RAB10: variants seen among roughly 807,000 people sequenced by gnomAD.
RAB10 encodes ras-related protein Rab-10.
Under a neutral mutation model 25.7 loss-of-function variants are expected in RAB10, and 5 were observed. That is an observed-to-expected ratio of 0.19 (90% confidence interval 0.10 to 0.41). The LOEUF is 0.41. Ranked by LOEUF, RAB10 falls within the 10% of genes least tolerant of loss-of-function variation. The pLI is 1.00. For synonymous variants in RAB10, 89 were observed against 86.4 expected (o/e 1.03, Z -0.16); for missense variants, 103 against 245.8 (o/e 0.42, Z 3.89).
intron 1 of RAB10, among the ~76,000 whole-genome samples, chr2:26,039,575 C>G (rs536623750): frequency 6.6e-6 from 1 of 152,164 alleles, no homozygotes; most frequent in East Asian, 1.9e-4. Context: ...TCAAGAACTC[C>G]TGACCTCAGG....
chr2:26,103,402 T>C (rs574372340), intron 2 of RAB10, among the ~76,000 whole-genome samples: 3 of 152,300 alleles, frequency 2.0e-5, no homozygotes, highest in African/African-American at 7.2e-5. Context: ...TTTCTAGTGA[T>C]TGGGGAAAAG....
intron 1 of RAB10, among the ~76,000 whole-genome samples, chr2:26,074,751 C>T (rs1003765404): frequency 2.0e-5 from 3 of 152,160 alleles, no homozygotes; most frequent in Non-Finnish European, 4.4e-5. Flanking sequence ...AAGGAGCATT[C>T]ATAGTTAAGA....
intron 5 of RAB10, among the ~76,000 whole-genome samples, chr2:26,132,771 C>CCCT (rs397711678): frequency 2.9e-5 from 4 of 138,416 alleles, no homozygotes; most frequent in African/African-American, 1.1e-4. Flanking sequence ...ACCCCCCCCC[C>CCCT]TTTTTTTTAA....
intron 3 of RAB10, 115 bp downstream of exon 3, chr2:26,110,021 A>G (rs1288987964): frequency 7.0e-6 from 8 of 1,150,052 alleles, no homozygotes; most frequent in Non-Finnish European, 9.3e-6. Flanking sequence ...AGTCATTATT[A>G]TTGAAGTATT....
In RAB10 at chr2:26,099,532, GTTTTTTTTTTTT is replaced by G. The variant is rs70950167; in HGVS notation, c.188+825_188+836del. On this transcript the variant is annotated intron_variant, in intron 2 of 5. Transcript: ENST00000264710. ...GTATTTCTGTTTTTTGTTTTTTTGG[GTTTTTTTTTTTT>G]TTTTTTTTTTTTTTGAGGTGGAGTC... 1.5e-3 allele frequency among the ~76,000 whole-genome samples: 108 copies of G among 73,342 alleles called. 1 individual carries two copies. The highest frequency in any genetic ancestry group is 6.1e-3 in the African/African-American group (100 of 16,458). The allele number at this position is 73,342 out of a possible 152,430, so 48.1% of individuals were successfully genotyped here.
At chr2:26,056,319 T>C (rs142545048) in intron 1 of RAB10, among the ~76,000 whole-genome samples, 1 of 152,206 alleles carries the variant, frequency 6.6e-6, no homozygotes, top group African/African-American at 2.4e-5. Context: ...CTGCCTCAGC[T>C]TCCTCAGTAG....
chr2:26,072,646 A>G (rs1237892335), intron 1 of RAB10, among the ~76,000 whole-genome samples: 2 of 152,174 alleles, frequency 1.3e-5, no homozygotes, highest in Admixed American at 6.5e-5. Flanking sequence ...CTTTTCTAGC[A>G]ACATATCTGT....
chr2:26,109,135 C>A (rs1228243446), intron 2 of RAB10, among the ~76,000 whole-genome samples: 1 of 151,310 alleles, frequency 6.6e-6, no homozygotes, highest in South Asian at 2.1e-4. Context: ...GTCTTGAACT[C>A]CTGACCTTAA....
chr2:26,054,731 C>A (rs1666215457), intron 1 of RAB10, among the ~76,000 whole-genome samples: 1 of 152,152 alleles, frequency 6.6e-6, no homozygotes, highest in Non-Finnish European at 1.5e-5. Flanking sequence ...CTTAGATCTT[C>A]CAGATTCACC....
rs571714300 is a variant in RAB10 at position 26,134,896 on chromosome 2, A to G, written c.520-42A>G. 1.4e-5 allele frequency: 20 copies of G among 1,459,880 alleles called. No homozygotes were observed. The African/African-American group carries it at 2.8e-4, about 20-fold the overall frequency. The allele number at this position is 1,459,880 out of a possible 1,614,324, so 90.4% of individuals were successfully genotyped here. A position where few individuals can be genotyped will look rare whatever the true frequency, so the allele number is the denominator to read the frequency against. On this transcript the variant is annotated intron_variant, in intron 5 of 5. Transcript: ENST00000264710. The stretch of plus-strand genomic sequence containing the variant: ...GTTGAATCGTGATTTTATCCATGGC[A>G]GTGTTTTTTCATGAGTTATTTTCCT...
At chr2:26,102,577 T>C (rs1305466654) in intron 2 of RAB10, among the ~76,000 whole-genome samples, 1 of 152,082 alleles carries the variant, frequency 6.6e-6, no homozygotes, top group Non-Finnish European at 1.5e-5. Flanking sequence ...CAGCTGGGAC[T>C]ACAGGTGCCT....
intron 3 of RAB10, among the ~76,000 whole-genome samples, chr2:26,116,160 C>T (rs1242034432): frequency 2.0e-5 from 3 of 152,098 alleles, no homozygotes; most frequent in Non-Finnish European, 2.9e-5. Context: ...AGCCACTGCG[C>T]CCCACCAGTT....
chr2:26,033,839 C>T (rs182123344), upstream of RAB10, among the ~76,000 whole-genome samples: 126 of 152,274 alleles, frequency 8.3e-4, 2 homozygotes, highest in East Asian at 0.021. Context: ...CGCTAGGTAG[C>T]GTCTCCCCCG....
intron 1 of RAB10, among the ~76,000 whole-genome samples, chr2:26,036,540 TC>T (rs1035406280): frequency 1.1e-4 from 16 of 151,846 alleles, no homozygotes; most frequent in African/African-American, 3.9e-4. Flanking sequence ...GCACCTGTAG[TC>T]CCAGCTACTC....
intron 2 of RAB10, among the ~76,000 whole-genome samples, chr2:26,103,108 C>G (rs1354225099): frequency 6.6e-6 from 1 of 152,166 alleles, no homozygotes; most frequent in Admixed American, 6.5e-5. Flanking sequence ...TCCAAGGAAG[C>G]TAAGTACATT....
intron 1 of RAB10, among the ~76,000 whole-genome samples, chr2:26,037,619 A>G (rs1324708771): frequency 6.6e-6 from 1 of 151,992 alleles, no homozygotes; most frequent in East Asian, 1.9e-4. Flanking sequence ...AGCCTGGGCA[A>G]CAAGAGTGAA....
chr2:26,054,829 A>T (rs1210048012), intron 1 of RAB10, among the ~76,000 whole-genome samples: 1 of 152,124 alleles, frequency 6.6e-6, no homozygotes, highest in Non-Finnish European at 1.5e-5. Flanking sequence ...AAGATAGATT[A>T]AATTAACCAA....
chr2:26,072,326 A>G lies in RAB10; in HGVS notation c.128-26336A>G, dbSNP rs541721172. On this transcript the variant is annotated intron_variant, in intron 1 of 5. Coordinates refer to ENST00000264710, the MANE Select transcript of RAB10 (RefSeq NM_016131.5). ...AGCTACTCGGGAGGCTGAGGCAGGAAAATCACTTGAACACGGGAGGTGGGG... is the reference window on the plus strand; with the variant it reads ...AGCTACTCGGGAGGCTGAGGCAGGAGAATCACTTGAACACGGGAGGTGGGG... Among the ~76,000 whole-genome samples the G allele has an allele frequency of 4.3e-4, 65 of 152,216 alleles. 2 individuals carry two copies. In the South Asian group the frequency reaches 0.013, roughly 30 times the overall value.
At chr2:26,068,602 C>G (rs958667875) in intron 1 of RAB10, among the ~76,000 whole-genome samples, 7 of 152,042 alleles carry the variant, frequency 4.6e-5, no homozygotes, top group African/African-American at 1.7e-4. Context: ...CAATCCTGAG[C>G]CAAGAGACAG....
Sources: gnomAD v4.1 joint callset for allele counts (sites outside exome capture counted in the v4.1 genomes callset) on GRCh38, gnomAD v4.1.1 for gene constraint, MANE v1.5 for transcripts, NCBI Gene and HGNC (gene_info 2026-07-23, HGNC 2026-07-21) for gene names.